HNRNPF: variants seen among roughly 807,000 people sequenced by gnomAD.
HNRNPF encodes heterogeneous nuclear ribonucleoprotein F, also known as HnRNP F protein.
In HNRNPF, 2 loss-of-function variants were observed where a neutral mutation model predicts 26.0. The observed-to-expected ratio is 0.08, with a 90% CI of 0.03 to 0.24. The LOEUF (loss-of-function observed/expected upper bound fraction) is 0.24. HNRNPF is among the 10% of genes least tolerant of loss of function. The probability of loss-of-function intolerance (pLI) is 1.00; values close to 1 mark genes in which losing one functional copy is unlikely to be tolerated. For synonymous variants in HNRNPF, 234 were observed against 211.5 expected (o/e 1.11, Z -0.92); for missense variants, 299 against 539.2 (o/e 0.55, Z 4.41).
chr10:43,405,919 C>A (rs1838902428), intron 1 of HNRNPF, among the ~76,000 whole-genome samples: 1 of 152,072 alleles, frequency 6.6e-6, no homozygotes, highest in Admixed American at 6.6e-5. Flanking sequence ...TAAGACAGGG[C>A]AAGGGCCCTG....
At chr10:43,408,059 C>A (rs1454867978) in intron 1 of HNRNPF, among the ~76,000 whole-genome samples, 2 of 152,160 alleles carry the variant, frequency 1.3e-5, no homozygotes, top group African/African-American at 4.8e-5. Flanking sequence ...GTAGCTGGGA[C>A]AACAGGCGCG....
Position 43,387,181 on chromosome 10 carries a change from G to A in HNRNPF, c.704C>T (p.Ala235Val). The change falls in exon 4 of 4, where the codon GCC becomes GTC. Residue 235 changes from alanine (A) to valine (V), a missense_variant. Transcript: ENST00000682386. The surrounding 1 kb of genome is among the most constrained non-coding windows in gnomAD (Gnocchi z 6.0). The stretch of plus-strand genomic sequence containing the variant: ...GTAGCCCCCGTAGCCTGTGCTGTAG[G>A]CACCAGGCCTCATCCTTTCCAGGCC... ...QAGLERMRPG[A>V]YSTGYGGYEE... is the part of the protein sequence containing the mutation. The A allele has an allele frequency of 6.2e-7, 1 of 1,614,116 alleles. No homozygotes were observed. The highest frequency in any genetic ancestry group is 8.5e-7 in the Non-Finnish European group (1 of 1,180,006).
chr10:43,398,419 G>A (rs1222766093), intron 1 of HNRNPF, among the ~76,000 whole-genome samples: 10 of 147,404 alleles, frequency 6.8e-5, no homozygotes, highest in African/African-American at 2.3e-4. Context: ...TCGGCTCACT[G>A]CAACCTCCCC....
At chr10:43,396,209 T>C (rs942340414) in intron 2 of HNRNPF, among the ~76,000 whole-genome samples, 1 of 152,218 alleles carries the variant, frequency 6.6e-6, no homozygotes, top group African/African-American at 2.4e-5. Flanking sequence ...CCAGTTCGGC[T>C]ATCTGCAGAG....
At position 43,386,435 on chromosome 10, in the gene HNRNPF, A is replaced by G. The variant is rs1316541208; in HGVS notation, c.*202T>C. ...CAAAATGTTAATTGAGAAAAGCTGA[A>G]AATAGTTTTAGTTTACTCATTATCA... On this transcript the variant is annotated 3_prime_UTR_variant, in exon 4 of 4. Coordinates refer to ENST00000682386, the MANE Select transcript of HNRNPF (RefSeq NM_001098204.2). 1.9e-6 allele frequency: 1 copy of G among 518,062 alleles called. No individual in the cohort carries two copies. The highest frequency in any genetic ancestry group is 3.4e-6 in the Non-Finnish European group (1 of 297,234). The allele number at this position is 518,062 out of a possible 1,614,324, so 32.1% of individuals were successfully genotyped here.
intron 1 of HNRNPF, among the ~76,000 whole-genome samples, chr10:43,406,083 T>G (rs1039739707): frequency 1.3e-5 from 2 of 152,132 alleles, no homozygotes; most frequent in African/African-American, 2.4e-5. Context: ...GTCCTGAGCA[T>G]GTAATTAGAA....
At chr10:43,407,447 G>A (rs1400671971) in intron 1 of HNRNPF, among the ~76,000 whole-genome samples, 3 of 152,086 alleles carry the variant, frequency 2.0e-5, no homozygotes, top group African/African-American at 7.2e-5. Context: ...GGTCCCAGGC[G>A]CCTAGGGGGA....
chr10:43,390,982 T>G (rs769350364), intron 3 of HNRNPF, among the ~76,000 whole-genome samples: 75 of 152,104 alleles, frequency 4.9e-4, no homozygotes, highest in Non-Finnish European at 7.2e-4. Context: ...TGGTGGCTAA[T>G]GCTGCCCCCA....
In HNRNPF at chr10:43,387,987, C is replaced by T. The variant is rs1281374627; in HGVS notation, c.-52-51G>A. 10 of 973,004 alleles carry T rather than the reference C, an allele frequency of 1.0e-5. No homozygotes were observed. The highest frequency in any genetic ancestry group is 1.4e-5 in the Non-Finnish European group (9 of 664,414). The allele number at this position is 973,004 out of a possible 1,614,324, so 60.3% of individuals were successfully genotyped here. ...ATTTAGTATGCAACAGAAATTTTCC[C>T]CATTTTACAGACGAGAGAGGTAGCA... is the stretch of plus-strand genomic sequence containing the variant. On this transcript the variant is annotated intron_variant, in intron 3 of 3. Coordinates refer to ENST00000682386, the MANE Select transcript of HNRNPF (RefSeq NM_001098204.2). The surrounding 1 kb of genome is among the most constrained non-coding windows in gnomAD (Gnocchi z 6.0).
intron 3 of HNRNPF, among the ~76,000 whole-genome samples, chr10:43,394,390 C>T (rs1399198129): frequency 2.0e-5 from 3 of 152,176 alleles, no homozygotes; most frequent in Non-Finnish European, 2.9e-5. Context: ...TTCCAAAACA[C>T]ATGTGTACAC....
At chr10:43,392,890 C>T (rs1838310103) in intron 3 of HNRNPF, among the ~76,000 whole-genome samples, 1 of 152,182 alleles carries the variant, frequency 6.6e-6, no homozygotes, top group African/African-American at 2.4e-5. Context: ...CACAGGTTCT[C>T]CTCTGTGCCA....
Position 43,386,534 on chromosome 10 carries a change from T to G in HNRNPF, c.*103A>C. 1 of 1,111,548 alleles carries G rather than the reference T, an allele frequency of 9.0e-7. No homozygotes were observed. 68.9% of individuals were successfully genotyped at this position (1,111,548 alleles called of 1,614,324 possible). On this transcript the variant is annotated 3_prime_UTR_variant, in exon 4 of 4. Coordinates refer to ENST00000682386, the MANE Select transcript of HNRNPF (RefSeq NM_001098204.2). ...TTAATCCAGATTTTTCACAAACTCATGGTGCAAAATGGGTCCCCCAGCTTC... is the reference window on the plus strand; with the variant it reads ...TTAATCCAGATTTTTCACAAACTCAGGGTGCAAAATGGGTCCCCCAGCTTC...
intron 3 of HNRNPF, among the ~76,000 whole-genome samples, chr10:43,389,041 G>C (rs1341732984): frequency 6.7e-6 from 1 of 149,622 alleles, no homozygotes; most frequent in African/African-American, 2.5e-5. Context: ...TGCTGTCTCG[G>C]CTCACTGCAA....
In HNRNPF at chr10:43,387,924, G is replaced by A; in HGVS notation, c.-40C>T. The A allele has an allele frequency of 1.3e-6, 2 of 1,505,398 alleles. No individual in the cohort carries two copies. Among genetic ancestry groups the A allele is most frequent in the South Asian group, 1.3e-5 (1 of 78,166 alleles). The allele number at this position is 1,505,398 out of a possible 1,614,324, so 93.3% of individuals were successfully genotyped here. A position where few individuals can be genotyped will look rare whatever the true frequency, so the allele number is the denominator to read the frequency against. The stretch of plus-strand genomic sequence containing the variant: ...GTGGGTGTCAGGTGATCTTGGGTGT[G>A]GCTTTTTTGTGGCTGGAAAAAAAAA... On this transcript the variant is annotated 5_prime_UTR_variant, in exon 4 of 4. Transcript: ENST00000682386. The surrounding 1 kb of genome is among the most constrained non-coding windows in gnomAD (Gnocchi z 6.0).
chr10:43,400,573 C>T (rs1838720952), intron 1 of HNRNPF, among the ~76,000 whole-genome samples: 1 of 152,156 alleles, frequency 6.6e-6, no homozygotes, highest in South Asian at 2.1e-4. Context: ...TCAAAAGTAT[C>T]TTCCAACCCA....
At position 43,386,544 on chromosome 10, in the gene HNRNPF, T is replaced by C; in HGVS notation, c.*93A>G. 4 of 1,224,762 alleles carry C rather than the reference T, an allele frequency of 3.3e-6. No homozygotes were observed. Among genetic ancestry groups the C allele is most frequent in the Non-Finnish European group, 4.4e-6 (4 of 907,150 alleles). The allele number at this position is 1,224,762 out of a possible 1,614,324, so 75.9% of individuals were successfully genotyped here. A position where few individuals can be genotyped will look rare whatever the true frequency, so the allele number is the denominator to read the frequency against. The stretch of plus-strand genomic sequence containing the variant: ...TTTTTCACAAACTCATGGTGCAAAA[T>C]GGGTCCCCCAGCTTCCTCTATTATA... On this transcript the variant is annotated 3_prime_UTR_variant, in exon 4 of 4. Coordinates refer to ENST00000682386, the MANE Select transcript of HNRNPF (RefSeq NM_001098204.2).
chr10:43,400,934 T>G (rs967460105), intron 1 of HNRNPF, among the ~76,000 whole-genome samples: 4 of 152,002 alleles, frequency 2.6e-5, no homozygotes, highest in African/African-American at 9.7e-5. Context: ...ATACAAAAAT[T>G]AGCCAAACGT....
At chr10:43,393,348 C>T (rs1470681395) in intron 3 of HNRNPF, among the ~76,000 whole-genome samples, 1 of 152,144 alleles carries the variant, frequency 6.6e-6, no homozygotes, top group African/African-American at 2.4e-5. Context: ...GTAATCCTAG[C>T]ACTTTGGGAG....
Position 43,385,829 on chromosome 10 carries a change from AGT to A in HNRNPF, c.*806_*807del, listed in dbSNP as rs1189520986. The A allele has an allele frequency of 3.9e-4, 60 of 152,456 alleles. No individual in the cohort carries two copies. Among genetic ancestry groups the A allele is most frequent in the African/African-American group, 1.4e-3 (58 of 41,566 alleles). The allele number at this position is 152,456 out of a possible 1,614,324, so 9.4% of individuals were successfully genotyped here. A position where few individuals can be genotyped will look rare whatever the true frequency, so the allele number is the denominator to read the frequency against. On this transcript the variant is annotated 3_prime_UTR_variant, in exon 4 of 4. Coordinates refer to ENST00000682386, the MANE Select transcript of HNRNPF (RefSeq NM_001098204.2). ...GATGCTTCCCAGAATGTGTGCTGCT[AGT>A]CACCATTTCCACCATTCACATATTT... is the stretch of plus-strand genomic sequence containing the variant.
Sources: allele counts gnomAD v4.1 joint callset (sites outside exome capture counted in the v4.1 genomes callset), GRCh38; gene constraint gnomAD v4.1.1; non-coding constraint Gnocchi (gnomAD v3.1); transcripts MANE v1.5; gene names NCBI Gene and HGNC (gene_info 2026-07-23, HGNC 2026-07-21).